The following FGD4 variants were observed in gnomAD, a reference collection of about 807,000 sequenced individuals.
FGD4 encodes the protein FYVE, RhoGEF and PH domain-containing protein 4.
A neutral mutation model predicts 102.0 loss-of-function variants in FGD4; 42 were observed. The observed-to-expected ratio is 0.41, with a 90% CI of 0.32 to 0.53. The LOEUF (loss-of-function observed/expected upper bound fraction) is 0.53. Among genes scored for constraint, FGD4 ranks in the 20% least tolerant of loss-of-function variants. The pLI, the probability that FGD4 is intolerant of heterozygous loss-of-function variation, is 0.21. For missense variants in FGD4, 902 were observed against 1,078.2 expected (o/e 0.84, Z 2.29); for synonymous variants, 380 against 375.7 (o/e 1.01, Z -0.13).
At chr12:32,598,668 T>G in intron 5 of FGD4, 82 bp downstream of exon 5, 1 of 1,190,294 alleles carries the variant, frequency 8.4e-7, no homozygotes, top group Non-Finnish European at 1.2e-6. Flanking sequence ...TTTTAGAAAC[T>G]GCATGAAGGA....
intron 1 of FGD4, among the ~76,000 whole-genome samples, chr12:32,529,798 G>T (rs1941617807): frequency 6.8e-6 from 1 of 146,940 alleles, no homozygotes; most frequent in Non-Finnish European, 1.5e-5. Flanking sequence ...AGCCAAAATT[G>T]AGCCACTTCA....
intron 1 of FGD4, among the ~76,000 whole-genome samples, chr12:32,553,167 G>A (rs1394862162): frequency 6.6e-6 from 1 of 151,992 alleles, no homozygotes; most frequent in African/African-American, 2.4e-5. Flanking sequence ...CGAGAGTGGT[G>A]GAGCAGAGTG....
At chr12:32,412,151 T>C (rs1367817232) in intron 1 of FGD4, among the ~76,000 whole-genome samples, 2 of 152,196 alleles carry the variant, frequency 1.3e-5, no homozygotes, top group Non-Finnish European at 2.9e-5. Flanking sequence ...AATTGATTAC[T>C]GTGGAGAATG....
rs143468528 is a variant in FGD4 at position 32,556,192 on chromosome 12, A to C, written c.167-7945A>C. 5.0e-3 allele frequency among the ~76,000 whole-genome samples: 760 copies of C among 152,256 alleles called. 6 individuals carry two copies. Among genetic ancestry groups the C allele is most frequent in the African/African-American group, 0.017 (695 of 41,526 alleles). On this transcript the variant is annotated intron_variant, in intron 1 of 16. Transcript: ENST00000534526. ...AATATGGTTTCTTGCCATGTCAGAGATAAGAACAGCTTAATATTTCTTGAC... is the reference window on the plus strand; with the variant it reads ...AATATGGTTTCTTGCCATGTCAGAGCTAAGAACAGCTTAATATTTCTTGAC...
chr12:32,552,944 A>ATTTTTTTTTTTT (rs71068326), intron 1 of FGD4, among the ~76,000 whole-genome samples: 11 of 123,880 alleles, frequency 8.9e-5, no homozygotes, highest in African/African-American at 2.5e-4. Context: ...CGCCTGGCTA[A>ATTTTTTTTTTTT]TTTTTTTTTT....
At position 32,472,541 on chromosome 12, in the gene FGD4, G is replaced by C. The variant is rs181573421; in HGVS notation, c.166+72582G>C. ...GCTGCCTTTCCACGGGGCAGGGCTC[G>C]GGACCTGCAGCCCGCCATGCCTGAG... On this transcript the variant is annotated intron_variant, in intron 1 of 16. Transcript: ENST00000534526. 4.8e-3 allele frequency among the ~76,000 whole-genome samples: 732 copies of C among 152,358 alleles called. 12 individuals are homozygous for C. Among genetic ancestry groups the C allele is most frequent in the African/African-American group, 0.017 (697 of 41,584 alleles).
intron 1 of FGD4, among the ~76,000 whole-genome samples, chr12:32,518,833 G>T (rs1279901177): frequency 6.9e-6 from 1 of 144,794 alleles, no homozygotes; most frequent in African/African-American, 2.5e-5. Flanking sequence ...AAAAAACAAG[G>T]GCCAGGCACG....
At chr12:32,558,441 G>A (rs1737871804) in intron 1 of FGD4, among the ~76,000 whole-genome samples, 1 of 152,160 alleles carries the variant, frequency 6.6e-6, no homozygotes, top group African/African-American at 2.4e-5. Flanking sequence ...GTATAAGCAA[G>A]ACCGTATAAA....
chr12:32,606,083 C>T (rs1034563913), intron 7 of FGD4, among the ~76,000 whole-genome samples: 1 of 152,188 alleles, frequency 6.6e-6, no homozygotes, highest in East Asian at 1.9e-4. Flanking sequence ...CCTAAATTAT[C>T]TGAGCCACAG....
chr12:32,619,604 C>T lies in FGD4; in HGVS notation c.1750-94C>T, dbSNP rs1455972192. The T allele has an allele frequency of 3.6e-6, 5 of 1,399,846 alleles. No individual in the cohort carries two copies. In the African/African-American group the frequency reaches 7.1e-5, roughly 20 times the overall value. The allele number at this position is 1,399,846 out of a possible 1,614,324, so 86.7% of individuals were successfully genotyped here. On this transcript the variant is annotated intron_variant, in intron 10 of 16. Coordinates refer to ENST00000534526, the MANE Select transcript of FGD4 (RefSeq NM_001370298.3). ...CCAAGGTCACACTATTACACTCCAG[C>T]CTGGGCAACAGAGTGAGACTCTGTC...
chr12:32,580,553 G>A (rs1476391408), intron 3 of FGD4, among the ~76,000 whole-genome samples: 1 of 151,954 alleles, frequency 6.6e-6, no homozygotes, highest in Non-Finnish European at 1.5e-5. Flanking sequence ...CCACAGTTTT[G>A]TGCTCCATTC....
At chr12:32,477,244 T>C (rs1943605671) in intron 1 of FGD4, 1 of 151,626 alleles carries the variant, frequency 6.6e-6, no homozygotes, top group South Asian at 2.1e-4. Flanking sequence ...GCTGAGATTA[T>C]GCACTGCACT....
At chr12:32,539,570 A>AG (rs34387616) in intron 1 of FGD4, among the ~76,000 whole-genome samples, 39,045 of 132,530 alleles carry the variant, frequency 0.29, 5,901 homozygotes, top group African/African-American at 0.44. Flanking sequence ...ACTCTGTCTC[A>AG]GGGGGGAAAA....
intron 1 of FGD4, among the ~76,000 whole-genome samples, chr12:32,451,344 A>G (rs1280195263): frequency 6.6e-6 from 1 of 152,202 alleles, no homozygotes; most frequent in Non-Finnish European, 1.5e-5. Flanking sequence ...TAGTAAAGCC[A>G]TATGTTTCTA....
At chr12:32,402,304 G>A (rs906324285) in intron 1 of FGD4, among the ~76,000 whole-genome samples, 8 of 151,622 alleles carry the variant, frequency 5.3e-5, no homozygotes, top group African/African-American at 1.9e-4. Flanking sequence ...GGACTGAAGT[G>A]GGAGGATCGC....
At chr12:32,576,201 C>G (rs1946115242) in intron 2 of FGD4, 65 bp from the exon 3 acceptor site, 1 of 1,504,820 alleles carries the variant, frequency 6.6e-7, no homozygotes, top group South Asian at 1.2e-5. Context: ...ACCCAGGACA[C>G]CAGAATTTTT....
At chr12:32,429,582 G>C (rs1242983548) in intron 1 of FGD4, among the ~76,000 whole-genome samples, 1 of 152,246 alleles carries the variant, frequency 6.6e-6, no homozygotes, top group Non-Finnish European at 1.5e-5. Context: ...GCTCTCTTCA[G>C]AGCTGGCAGG....
At chr12:32,567,713 G>A (rs541439142) in intron 2 of FGD4, among the ~76,000 whole-genome samples, 17 of 147,752 alleles carry the variant, frequency 1.2e-4, no homozygotes, top group Non-Finnish European at 2.1e-4. Context: ...TGAGAGAGAG[G>A]GTTTTATTCT....
intron 1 of FGD4, among the ~76,000 whole-genome samples, chr12:32,545,544 A>T (rs758346543): frequency 6.6e-6 from 1 of 152,244 alleles, no homozygotes; most frequent in African/African-American, 2.4e-5. Context: ...AGCATCATAC[A>T]CATTATGTAA....
Sources: allele counts gnomAD v4.1 joint callset (sites outside exome capture counted in the v4.1 genomes callset), GRCh38; gene constraint gnomAD v4.1.1; transcripts MANE v1.5; gene names NCBI Gene and HGNC (gene_info 2026-07-23, HGNC 2026-07-21).